Variants in AP3D1 observed in about 807,000 individuals in gnomAD.
The protein encoded by AP3D1 is AP-3 complex subunit delta-1.
In AP3D1, 51 loss-of-function variants were observed where a neutral mutation model predicts 147.6. That is an observed-to-expected ratio of 0.35 (90% CI 0.28 to 0.44). The LOEUF (loss-of-function observed/expected upper bound fraction) is 0.44, where lower values mean the gene tolerates loss of function less well. AP3D1 is among the 20% of genes least tolerant of loss of function. The pLI, the probability that AP3D1 is intolerant of heterozygous loss-of-function variation, is 1.00. For missense variants in AP3D1, 1,421 were observed against 1,624.2 expected (o/e 0.87, Z 2.15); for synonymous variants, 760 against 663.0 (o/e 1.15, Z -2.25).
At chr19:2,141,892 G>C (rs1350843866) in intron 1 of AP3D1, among the ~76,000 whole-genome samples, 12 of 151,120 alleles carry the variant, frequency 7.9e-5, no homozygotes, top group Admixed American at 7.9e-4. Flanking sequence ...TGGGATTACA[G>C]GGCCATGCCA....
chr19:2,131,077 C>A (rs1314108686), intron 5 of AP3D1, among the ~76,000 whole-genome samples: 1 of 152,260 alleles, frequency 6.6e-6, no homozygotes, highest in Admixed American at 6.5e-5. Flanking sequence ...GCTTCATGGG[C>A]CAGACAGCCT....
chr19:2,102,212 G>A lies in AP3D1; in HGVS notation c.3609C>T (p.Asn1203=), dbSNP rs754898130. The A allele has an allele frequency of 2.1e-5, 34 of 1,613,962 alleles. No homozygotes were observed. The highest frequency in any genetic ancestry group is 2.9e-5 in the Non-Finnish European group (34 of 1,180,010). ...GKCSDSTLLS[N]LLEEMKATLA... is the part of the protein sequence containing the mutation. ...GCGTCGCCTTCATCTCTTCTAACAA[G>A]TTGCTCAGTAGCGTGGAGTCACTGC... Residue 1203 remains asparagine, a synonymous_variant, in exon 32 of 32, where the codon AAC becomes AAT. Transcript: ENST00000643116.
chr19:2,158,020 G>C (rs1158905573), intron 1 of AP3D1, among the ~76,000 whole-genome samples: 2 of 152,068 alleles, frequency 1.3e-5, no homozygotes, highest in Admixed American at 1.3e-4. Context: ...CCCCACATGT[G>C]CTCTTTTTTT....
intron 5 of AP3D1, 127 bp downstream of exon 5, chr19:2,132,344 T>C (rs937416096): frequency 5.3e-5 from 40 of 756,648 alleles, no homozygotes; most frequent in Non-Finnish European, 8.8e-5. Flanking sequence ...TGGTTCCCAT[T>C]TCAGGCAGGC....
chr19:2,116,711 G>C lies in AP3D1; in HGVS notation c.1895C>G (p.Ser632Trp), dbSNP rs371009015. 4 of 1,611,746 alleles carry C rather than the reference G, an allele frequency of 2.5e-6. No individual in the cohort carries two copies. The highest frequency in any genetic ancestry group is 3.4e-6 in the Non-Finnish European group (4 of 1,179,254). Residue 632 changes from serine to tryptophan, a missense_variant, in exon 17 of 32, where the codon TCG becomes TGG. Physicochemically the swap from Ser to Trp is radical, Grantham distance 177 (BLOSUM62 -3). Around this residue, in one of 6 missense-constraint regions of AP3D1, gnomAD observed 791 missense variants for 761.4 expected, o/e 1.04. Coordinates refer to ENST00000643116, the MANE Select transcript of AP3D1 (RefSeq NM_001261826.3). Reference protein sequence around the residue: ...DLDAWINEPLSDSESEDERPR... With the variant: ...DLDAWINEPLWDSESEDERPR... ...CCTCTCGTCCTCTGACTCGCTGTCC[G>C]AGAGTGGCTCATTGATCCAGGCGTC...
intron 31 of AP3D1, among the ~76,000 whole-genome samples, chr19:2,107,749 A>AG (rs2018152723): frequency 6.6e-6 from 1 of 152,058 alleles, no homozygotes; most frequent in African/African-American, 2.4e-5. Flanking sequence ...CAAAAAAAAA[A>AG]AAAAAGAAAA....
At chr19:2,148,335 G>A (rs1599498015) in intron 1 of AP3D1, among the ~76,000 whole-genome samples, 2 of 152,098 alleles carry the variant, frequency 1.3e-5, no homozygotes, top group East Asian at 3.9e-4. Flanking sequence ...CACGCTTTTT[G>A]GACTCATCTT....
At chr19:2,119,140 G>C (rs1278049868) in intron 14 of AP3D1, among the ~76,000 whole-genome samples, 1 of 152,254 alleles carries the variant, frequency 6.6e-6, no homozygotes, top group Non-Finnish European at 1.5e-5. Flanking sequence ...GATGGGCAGG[G>C]AACAGACGGA....
At chr19:2,163,102 C>T (rs993685473) in intron 1 of AP3D1, among the ~76,000 whole-genome samples, 7 of 152,070 alleles carry the variant, frequency 4.6e-5, no homozygotes, top group Non-Finnish European at 8.8e-5. Flanking sequence ...GAGACGGAGT[C>T]TTGCTCTGTT....
At chr19:2,114,657 C>T (rs905223078) in intron 21 of AP3D1, 91 bp downstream of exon 21, 4 of 914,906 alleles carry the variant, frequency 4.4e-6, no homozygotes, top group African/African-American at 1.7e-5. Flanking sequence ...GCCCACCCTG[C>T]AGAGCCCGGC....
intron 15 of AP3D1, among the ~76,000 whole-genome samples, chr19:2,117,967 C>T (rs1162809354): frequency 6.6e-6 from 1 of 152,198 alleles, no homozygotes; most frequent in African/African-American, 2.4e-5. Context: ...TGAGACCAGC[C>T]TGGCCAACAA....
At chr19:2,108,438 G>A (rs903636698) in intron 31 of AP3D1, among the ~76,000 whole-genome samples, 1 of 152,192 alleles carries the variant, frequency 6.6e-6, no homozygotes, top group Non-Finnish European at 1.5e-5. Flanking sequence ...TGCAGTGGGA[G>A]TGGGGCCCCT....
At chr19:2,128,005 A>G (rs1326495705) in intron 8 of AP3D1, among the ~76,000 whole-genome samples, 1 of 152,240 alleles carries the variant, frequency 6.6e-6, no homozygotes, top group African/African-American at 2.4e-5. Context: ...TACACTGCTC[A>G]CATGGTGAAA....
At chr19:2,137,476 C>T (rs1555707201) in intron 3 of AP3D1, among the ~76,000 whole-genome samples, 1 of 152,018 alleles carries the variant, frequency 6.6e-6, no homozygotes, top group Non-Finnish European at 1.5e-5. Flanking sequence ...CCACCACGCC[C>T]CACTAAATTT....
intron 31 of AP3D1, among the ~76,000 whole-genome samples, chr19:2,107,370 G>A (rs572089752): frequency 6.6e-6 from 1 of 152,220 alleles, no homozygotes; most frequent in South Asian, 2.1e-4. Flanking sequence ...AGAAACACGT[G>A]CAAACTGGAA....
rs183777206 is a variant in AP3D1 at position 2,109,078 on chromosome 19, C to T, written c.3472+8G>A. On this transcript the variant is annotated splice_region_variant and intron_variant, in intron 30 of 31. Coordinates refer to ENST00000643116, the MANE Select transcript of AP3D1 (RefSeq NM_001261826.3). ...CCGTGCAATCCATCAGCCCCTCACTCTCCTTACCGGAAAAATGGTGGTGAA... is the reference window on the plus strand; with the variant it reads ...CCGTGCAATCCATCAGCCCCTCACTTTCCTTACCGGAAAAATGGTGGTGAA... The T allele has an allele frequency of 6.8e-6, 11 of 1,608,614 alleles. No homozygotes were observed. The East Asian group carries it at 2.5e-4, about 36-fold the overall frequency.
chr19:2,160,636 C>T (rs560782737), intron 1 of AP3D1, among the ~76,000 whole-genome samples: 1 of 152,262 alleles, frequency 6.6e-6, no homozygotes, highest in African/African-American at 2.4e-5. Flanking sequence ...AGGCATTGGT[C>T]CATTCATCCC....
At chr19:2,136,935 C>T (rs2019091858) in intron 4 of AP3D1, 76 bp downstream of exon 4, 5 of 1,333,490 alleles carry the variant, frequency 3.7e-6, no homozygotes, top group African/African-American at 1.5e-5. Flanking sequence ...CACAGGAAGA[C>T]GCGTGTGGGA....
intron 24 of AP3D1, chr19:2,112,285 G>A (rs577832495): frequency 8.2e-4 from 156 of 191,116 alleles, no homozygotes; most frequent in Non-Finnish European, 1.2e-3. Flanking sequence ...CGGAGGAACG[G>A]GGTCAGCAGA....
Sources: gnomAD v4.1 joint callset for allele counts (sites outside exome capture counted in the v4.1 genomes callset) on GRCh38, gnomAD v4.1.1 for gene constraint, gnomAD v4.1.1 regional missense constraint, MANE v1.5 for transcripts, NCBI Gene and HGNC (gene_info 2026-07-23, HGNC 2026-07-21) for gene names.